Variants in LZTFL1 observed in about 807,000 individuals in gnomAD.
The protein encoded by LZTFL1 is leucine zipper transcription factor like 1.
LZTFL1 carries 25 observed loss-of-function variants against 45.9 expected under a neutral mutation model. The ratio of observed to expected loss-of-function variants is 0.54; its 90% CI spans 0.40 to 0.76. The LOEUF is 0.76. LZTFL1 is among the 30% of genes least tolerant of loss of function. LZTFL1 has a pLI of 0.00. For missense variants in LZTFL1, 277 were observed against 331.1 expected (o/e 0.84, Z 1.27); for synonymous variants, 93 against 117.4 (o/e 0.79, Z 1.35).
In LZTFL1 at chr3:45,901,640, G is replaced by A. The variant is rs1452415916; in HGVS notation, c.-215+11480C>T. On this transcript the variant is annotated intron_variant, in intron 2 of 4. Coordinates refer to the LZTFL1 transcript ENST00000472635. This position sits in a 1 kb window ranked among gnomAD's most constrained non-coding sequence, Gnocchi z 4.3. ...TGCAGACCATTGACGCCTATGCCAT[G>A]TTCATCTCCAACTGTGCCGTTTCCA... 6 of 1,614,068 alleles carry A rather than the reference G, an allele frequency of 3.7e-6. No individual in the cohort carries two copies. Among genetic ancestry groups the A allele is most frequent in the African/African-American group, 1.3e-5 (1 of 74,940 alleles).
intron 2 of LZTFL1, chr3:45,883,790 TCCAAGGCC>T: frequency 5.4e-6 from 3 of 554,972 alleles, no homozygotes; most frequent in Non-Finnish European, 1.0e-5. Flanking sequence ...GAACAACTTG[TCCAAGGCC>T]CCAAGACCAT....
intron 2 of LZTFL1, chr3:45,894,909 C>T (rs770345570): frequency 6.2e-7 from 1 of 1,613,398 alleles, no homozygotes; most frequent in South Asian, 1.1e-5. Context: ...TTTCCAGGAG[C>T]AGGCTTGCAT....
chr3:45,867,163 A>AC (rs1701591660), intron 2 of LZTFL1, among the ~76,000 whole-genome samples: 1 of 151,744 alleles, frequency 6.6e-6, no homozygotes, highest in Non-Finnish European at 1.5e-5. Flanking sequence ...AAAAAAAAAA[A>AC]AAAAAAAACC....
chr3:45,894,975 C>T (rs570659438), intron 2 of LZTFL1: 1 of 1,612,352 alleles, frequency 6.2e-7, no homozygotes, highest in South Asian at 1.1e-5. Flanking sequence ...CCGTGCTCCT[C>T]TGGCTCCTCA....
At chr3:45,884,385 T>C (rs1266233467) in intron 2 of LZTFL1, among the ~76,000 whole-genome samples, 1 of 152,144 alleles carries the variant, frequency 6.6e-6, no homozygotes, top group Non-Finnish European at 1.5e-5. Flanking sequence ...TATGACTTCC[T>C]TGCGTCTTCC....
chr3:45,890,349 A>T (rs200359897), intron 2 of LZTFL1, among the ~76,000 whole-genome samples: 1 of 2,922 alleles, frequency 3.4e-4, no homozygotes, highest in Non-Finnish European at 5.9e-4. Flanking sequence ...TATATATATA[A>T]CATATATATA....
intron 5 of LZTFL1, among the ~76,000 whole-genome samples, chr3:45,831,523 CA>C (rs1700817260): frequency 6.6e-6 from 1 of 152,240 alleles, no homozygotes; most frequent in African/African-American, 2.4e-5. Flanking sequence ...AGAACTCCTT[CA>C]CTTCAGTACC....
intron 2 of LZTFL1, among the ~76,000 whole-genome samples, chr3:45,879,037 T>C (rs372024422): frequency 1.3e-5 from 2 of 152,326 alleles, no homozygotes; most frequent in South Asian, 2.1e-4. Context: ...ATATGGAGCA[T>C]CAGGAACTCT....
intron 2 of LZTFL1, among the ~76,000 whole-genome samples, chr3:45,887,937 A>G (rs773661472): frequency 1.3e-5 from 2 of 152,242 alleles, no homozygotes; most frequent in Non-Finnish European, 2.9e-5. Context: ...TACAAAGTTC[A>G]AAGTAAGGAC....
intron 2 of LZTFL1, among the ~76,000 whole-genome samples, chr3:45,871,770 G>T (rs1701674757): frequency 6.6e-6 from 1 of 152,018 alleles, no homozygotes; most frequent in African/African-American, 2.4e-5. Context: ...GAAAGACAAA[G>T]AAAAGAAAGG....
chr3:45,866,885 C>T (rs1233621643), intron 2 of LZTFL1, among the ~76,000 whole-genome samples: 2 of 152,090 alleles, frequency 1.3e-5, no homozygotes, highest in East Asian at 1.9e-4. Context: ...AAGTGGCTCA[C>T]GCCTGTAATC....
intron 2 of LZTFL1, among the ~76,000 whole-genome samples, chr3:45,877,442 C>T (rs944380101): frequency 6.6e-6 from 1 of 151,940 alleles, no homozygotes; most frequent in East Asian, 1.9e-4. Context: ...CCATGTTGGT[C>T]GGGCTGGTCT....
In LZTFL1 at chr3:45,859,313, ACTC is replaced by A. The variant is rs1215330539; in HGVS notation, c.-214-300_-214-298del. Among the ~76,000 whole-genome samples, 7 of 152,240 alleles carry A rather than the reference ACTC, an allele frequency of 4.6e-5. No homozygotes were observed. In the East Asian group the frequency reaches 1.2e-3, roughly 25 times the overall value. On this transcript the variant is annotated intron_variant, in intron 2 of 4. Transcript: ENST00000472635. ...AGATAATAGCTCCCTGCAGCCTCTA[ACTC>A]CTGGCCTCAAGTGATCCTCCTGCCG...
intron 4 of LZTFL1, among the ~76,000 whole-genome samples, chr3:45,847,324 G>A (rs1232282726): frequency 6.6e-6 from 1 of 152,188 alleles, no homozygotes; most frequent in Non-Finnish European, 1.5e-5. Context: ...GACATCTGCA[G>A]TGGTGTGTAA....
At position 45,826,332 on chromosome 3, in the gene LZTFL1, T is replaced by C. The variant is rs1430506521; in HGVS notation, c.882A>G (p.Gln294=). The change falls in exon 10 of 10, where the codon CAA becomes CAG. Residue 294 remains glutamine, a splice_region_variant and synonymous_variant. Coordinates refer to ENST00000296135, the MANE Select transcript of LZTFL1 (RefSeq NM_020347.4). ...QIKDLRKRLA[Q]YEPED is the part of the protein sequence containing the mutation. ...TTCAGTTTTAATCTTCAGGTTCATA[T>C]CTGGAGATATAAATTAAGAACACAA... is the stretch of plus-strand genomic sequence containing the variant. 1 of 1,611,236 alleles carries C rather than the reference T, an allele frequency of 6.2e-7. No homozygotes were observed. Among genetic ancestry groups the C allele is most frequent in the Non-Finnish European group, 8.5e-7 (1 of 1,177,720 alleles).
At chr3:45,889,795 T>C (rs925328717) in intron 2 of LZTFL1, among the ~76,000 whole-genome samples, 3 of 152,078 alleles carry the variant, frequency 2.0e-5, no homozygotes, top group African/African-American at 7.2e-5. Context: ...TCCTTGTTTA[T>C]TGGCTACACA....
chr3:45,873,583 A>G (rs1701703185), intron 2 of LZTFL1, among the ~76,000 whole-genome samples: 1 of 152,084 alleles, frequency 6.6e-6, no homozygotes, highest in Non-Finnish European at 1.5e-5. Flanking sequence ...TTTTTCCTGG[A>G]GTTTCTAATT....
intron 2 of LZTFL1, chr3:45,895,196 A>C: frequency 1.8e-6 from 1 of 549,176 alleles, no homozygotes; most frequent in Non-Finnish European, 3.2e-6. Context: ...TGGTGTTATA[A>C]ACAGCTAAGG....
At chr3:45,827,214 C>T (rs1700691024) in intron 9 of LZTFL1, 142 bp downstream of exon 9, 2 of 683,542 alleles carry the variant, frequency 2.9e-6, no homozygotes, top group Non-Finnish European at 5.2e-6. Flanking sequence ...AGAGCTCCTC[C>T]ACTTTCCTCA....
Sources: allele counts gnomAD v4.1 joint callset (sites outside exome capture counted in the v4.1 genomes callset), GRCh38; gene constraint gnomAD v4.1.1; non-coding constraint Gnocchi (gnomAD v3.1); transcripts MANE v1.5; gene names NCBI Gene and HGNC (gene_info 2026-07-23, HGNC 2026-07-21).